SPIN2A: variants seen among roughly 807,000 people sequenced by gnomAD.
SPIN2A encodes spindlin-2A.
A neutral mutation model predicts 9.2 loss-of-function variants in SPIN2A; 4 were observed. The ratio of observed to expected loss-of-function variants is 0.44; its 90% CI spans 0.21 to 1.00. The LOEUF is 1.00. Among genes scored for constraint, SPIN2A ranks in the 50% least tolerant of loss-of-function variants. The probability of loss-of-function intolerance (pLI) is 0.26; values close to 1 mark genes in which losing one functional copy is unlikely to be tolerated. For missense variants in SPIN2A, 77 were observed against 172.8 expected, an observed-to-expected ratio of 0.45 and a Z score of 3.11; for synonymous variants, 25 against 61.2, an observed-to-expected ratio of 0.41 and a Z score of 2.76.
At chrX:57,139,432 T>C (rs1257937269), upstream of SPIN2A, among the ~76,000 whole-genome samples, 1 of 111,717 alleles carries the variant, frequency 9.0e-6, no homozygotes, top group Non-Finnish European at 1.9e-5. Context: ...TACCATGCTG[T>C]TTTGGTTACC....
chrX:57,142,654 CTT>C, the SPIN2A span, among the ~76,000 whole-genome samples: 1 of 111,064 alleles, frequency 9.0e-6, no homozygotes, highest in Admixed American at 9.6e-5. Flanking sequence ...TCTGATATTT[CTT>C]TGTTAATTTT....
chrX:57,137,470 C>T (rs907544718), upstream of SPIN2A: 14 of 419,156 alleles, frequency 3.3e-5, no homozygotes, highest in African/African-American at 3.2e-4. Context: ...ACCCCTCAGC[C>T]ACGTTGGGCT....
chrX:57,146,770 A>T, the SPIN2A span, among the ~76,000 whole-genome samples: 1 of 112,075 alleles, frequency 8.9e-6, no homozygotes, highest in African/African-American at 3.2e-5. Flanking sequence ...GATTTCAATC[A>T]TAAAGTGCTG....
chrX:57,143,669 G>T, the SPIN2A span, among the ~76,000 whole-genome samples: 1 of 110,357 alleles, frequency 9.1e-6, no homozygotes, highest in African/African-American at 3.3e-5. Context: ...GTAGACAGGG[G>T]GTTTCTCCAT....
chrX:57,145,693 C>A, the SPIN2A span, among the ~76,000 whole-genome samples: 112 of 112,184 alleles, frequency 1.0e-3, no homozygotes, highest in African/African-American at 3.5e-3. Flanking sequence ...ACTTTCAGGT[C>A]TTGGATTTAA....
chrX:57,142,847 A>G, the SPIN2A span, among the ~76,000 whole-genome samples: 1 of 111,447 alleles, frequency 9.0e-6, no homozygotes, highest in Non-Finnish European at 1.9e-5. Flanking sequence ...CCCCTTTATC[A>G]TTATATAATG....
chrX:57,135,590 G>T, downstream of SPIN2A: 1 of 618,692 alleles, frequency 1.6e-6, no homozygotes, highest in Non-Finnish European at 2.4e-6. Flanking sequence ...TTCCTTCCAT[G>T]CCCCATCTAC....
chrX:57,135,651 C>G lies in SPIN2A; in HGVS notation c.*170G>C. The G allele has an allele frequency of 9.7e-7, 1 of 1,033,858 alleles. No individual in the cohort carries two copies. The highest frequency in any genetic ancestry group is 1.9e-5 in the African/African-American group (1 of 52,370). 85.2% of individuals were successfully genotyped at this position (1,033,858 alleles called of 1,213,427 possible). A position where few individuals can be genotyped will look rare whatever the true frequency, so the allele number is the denominator to read the frequency against. ...GACAAAGGGCTTACAGACAGCATGT[C>G]ATGTATTCACAAATTTGTATTTTTT... On this transcript the variant is annotated 3_prime_UTR_variant, in exon 2 of 2. Transcript: ENST00000374906.
chrX:57,144,159 C>T, the SPIN2A span, among the ~76,000 whole-genome samples: 2 of 111,770 alleles, frequency 1.8e-5, no homozygotes, highest in Non-Finnish European at 3.8e-5. Flanking sequence ...TGCAAGGTTT[C>T]TGCTAAGAAG....
chrX:57,137,461 C>A (rs1173900301), upstream of SPIN2A: 1 of 510,110 alleles, frequency 2.0e-6, no homozygotes, highest in Non-Finnish European at 2.4e-6. Context: ...GTGGCGGCCA[C>A]CCCTCAGCCA....
the SPIN2A span, among the ~76,000 whole-genome samples, chrX:57,146,130 G>A: frequency 9.1e-6 from 1 of 109,720 alleles, no homozygotes; most frequent in East Asian, 2.8e-4. Context: ...GATGAGAATT[G>A]CATTACATTT....
At chrX:57,140,712 G>A (rs1005302384), upstream of SPIN2A, among the ~76,000 whole-genome samples, 2 of 111,224 alleles carry the variant, frequency 1.8e-5, no homozygotes, top group African/African-American at 3.3e-5. Flanking sequence ...ATTATCCTAC[G>A]TGAATGAATG....
intron 1 of SPIN2A, chrX:57,136,920 C>T (rs1927807161): frequency 1.3e-6 from 1 of 747,958 alleles, no homozygotes. Context: ...CTCCCAATCC[C>T]CTGCAAAGCG....
chrX:57,135,405 G>A, downstream of SPIN2A: 2 of 162,277 alleles, frequency 1.2e-5, no homozygotes, highest in South Asian at 1.4e-4. Context: ...TCCCTTTCTG[G>A]CCCTTTTCCA....
At chrX:57,135,169 C>T (rs936191041), downstream of SPIN2A, 1 of 114,644 alleles carries the variant, frequency 8.7e-6, no homozygotes, top group African/African-American at 3.3e-5. Flanking sequence ...AACACCCTAA[C>T]CCACATAGCC....
At chrX:57,140,417 CAAA>C (rs60570721), upstream of SPIN2A, among the ~76,000 whole-genome samples, 9 of 64,795 alleles carry the variant, frequency 1.4e-4, no homozygotes, top group African/African-American at 5.3e-4. Context: ...CCATCTCTAC[CAAA>C]AAAAAAAAAA....
intron 1 of SPIN2A, 90 bp downstream of exon 1, chrX:57,137,170 C>A (rs1381516477): frequency 2.5e-5 from 19 of 761,272 alleles, no homozygotes; most frequent in Non-Finnish European, 3.0e-5. Context: ...CCTTCCCATC[C>A]CCCTCTCCAT....
upstream of SPIN2A, among the ~76,000 whole-genome samples, chrX:57,139,607 C>G (rs754819009): frequency 1.4e-4 from 16 of 111,085 alleles, no homozygotes; most frequent in East Asian, 4.2e-3. Context: ...GTGCCCGCCA[C>G]CACACTGGGC....
upstream of SPIN2A, among the ~76,000 whole-genome samples, chrX:57,139,266 C>A: frequency 8.9e-6 from 1 of 112,276 alleles, no homozygotes; most frequent in Non-Finnish European, 1.9e-5. Context: ...TTTCATTCTT[C>A]TGTGTATGGA....
Sources: gnomAD v4.1 joint callset for allele counts (sites outside exome capture counted in the v4.1 genomes callset) on GRCh38, gnomAD v4.1.1 for gene constraint, MANE v1.5 for transcripts, NCBI Gene and HGNC (gene_info 2026-07-23, HGNC 2026-07-21) for gene names.